The following PLD1 variants were observed in gnomAD, a reference collection of about 807,000 sequenced individuals.
PLD1 encodes choline phosphatase 1.
PLD1 carries 112 observed loss-of-function variants against 137.1 expected under a neutral mutation model. That is an observed-to-expected ratio of 0.82 (90% CI 0.70 to 0.96). The LOEUF (loss-of-function observed/expected upper bound fraction) is 0.96, where lower values mean the gene tolerates loss of function less well. Among genes scored for constraint, PLD1 ranks in the 40% least tolerant of loss-of-function variants. The pLI, the probability that PLD1 is intolerant of heterozygous loss-of-function variation, is 0.00. For synonymous variants in PLD1, 431 were observed against 454.7 expected (o/e 0.95, Z 0.66); for missense variants, 1,321 against 1,342.0 (o/e 0.98, Z 0.24).
intron 6 of PLD1, among the ~76,000 whole-genome samples, chr3:171,727,808 A>T (rs906000150): frequency 2.6e-5 from 4 of 152,198 alleles, no homozygotes; most frequent in African/African-American, 7.2e-5. Flanking sequence ...GTGATTGGAC[A>T]TATCTAACAC....
chr3:171,772,782 T>C (rs1436410915), intron 1 of PLD1, among the ~76,000 whole-genome samples: 2 of 152,212 alleles, frequency 1.3e-5, no homozygotes, highest in African/African-American at 4.8e-5. Context: ...TGTCGTTAAA[T>C]ATTATTAAAT....
intron 1 of PLD1, among the ~76,000 whole-genome samples, chr3:171,746,346 T>G (rs1720176791): frequency 6.6e-6 from 1 of 152,216 alleles, no homozygotes. Context: ...GCTCCTAAGT[T>G]GGGTGGTGAC....
rs751406866 is a variant in PLD1 at position 171,677,683 on chromosome 3, T to C, written c.1879A>G (p.Ile627Val). 6 of 1,614,018 alleles carry C rather than the reference T, an allele frequency of 3.7e-6. No homozygotes were observed. Among genetic ancestry groups the C allele is most frequent in the Middle Eastern group, 1.6e-4 (1 of 6,062 alleles). ...CCCACACCTGTCTGTAAACTACGGA[T>C]GGACCCGGTATCTGTGAATGCAGCA... ...LTRPHADTGS[I>V]RSLQTGVGEL... Residue 627 changes from isoleucine (I) to valine (V), a missense_variant, in exon 17 of 27, where the codon ATC (isoleucine) becomes GTC (valine). Ile to Val is a conservative substitution (Grantham distance 29, BLOSUM62 3). Coordinates refer to ENST00000351298, the MANE Select transcript of PLD1 (RefSeq NM_002662.5).
intron 23 of PLD1, among the ~76,000 whole-genome samples, chr3:171,642,527 GTAGA>G (rs1364783036): frequency 2.8e-5 from 4 of 145,100 alleles, no homozygotes; most frequent in African/African-American, 1.1e-4. Flanking sequence ...ATTGTATCCA[GTAGA>G]TAAAGAAGAA....
chr3:171,756,596 A>G (rs1721050450), intron 1 of PLD1, among the ~76,000 whole-genome samples: 1 of 152,268 alleles, frequency 6.6e-6, no homozygotes, highest in Non-Finnish European at 1.5e-5. Flanking sequence ...GCCAGGCTTA[A>G]GAATGCATAG....
chr3:171,770,970 A>G (rs1722313792), intron 1 of PLD1, among the ~76,000 whole-genome samples: 4 of 151,818 alleles, frequency 2.6e-5, no homozygotes, highest in Admixed American at 2.6e-4. Flanking sequence ...AATCCAACAC[A>G]GATACTAATA....
At chr3:171,638,048 G>A (rs189514997) in intron 23 of PLD1, among the ~76,000 whole-genome samples, 151 of 152,136 alleles carry the variant, frequency 9.9e-4, no homozygotes, top group African/African-American at 3.1e-3. Context: ...AGCCAGGTGC[G>A]GCGATGGGCG....
intron 1 of PLD1, among the ~76,000 whole-genome samples, chr3:171,767,730 G>A (rs933886499): frequency 6.6e-6 from 1 of 152,196 alleles, no homozygotes; most frequent in African/African-American, 2.4e-5. Context: ...AGGTTGTTGT[G>A]AGGATTAAGG....
intron 1 of PLD1, among the ~76,000 whole-genome samples, chr3:171,738,743 CT>C (rs1719565625): frequency 6.6e-6 from 1 of 152,160 alleles, no homozygotes; most frequent in Non-Finnish European, 1.5e-5. Flanking sequence ...TACTTCCCTC[CT>C]TTCTTTTTCT....
At position 171,602,804 on chromosome 3, in the gene PLD1, G is replaced by C. The variant is rs1451735702; in HGVS notation, c.*274C>G. 1 of 378,964 alleles carries C rather than the reference G, an allele frequency of 2.6e-6. No individual in the cohort carries two copies. Among genetic ancestry groups the C allele is most frequent in the Non-Finnish European group, 4.8e-6 (1 of 209,768 alleles). The allele number at this position is 378,964 out of a possible 1,614,324, so 23.5% of individuals were successfully genotyped here. On this transcript the variant is annotated 3_prime_UTR_variant, in exon 27 of 27. Transcript: ENST00000351298. ...ACAAAGGAAATGGATTTTGGTATAC[G>C]GAATTTGAATATGTGTTTTACTCAA...
At chr3:171,677,277 G>A (rs991987826) in intron 17 of PLD1, among the ~76,000 whole-genome samples, 4 of 152,132 alleles carry the variant, frequency 2.6e-5, no homozygotes, top group African/African-American at 9.7e-5. Context: ...ATCAAAGGGA[G>A]CCTACCATTT....
intron 1 of PLD1, among the ~76,000 whole-genome samples, chr3:171,805,507 C>T (rs1723808537): frequency 6.6e-6 from 1 of 152,190 alleles, no homozygotes. Context: ...CCAGACTCTC[C>T]CAGGATCCCT....
chr3:171,743,434 C>A (rs749731307), intron 1 of PLD1, among the ~76,000 whole-genome samples: 1 of 152,190 alleles, frequency 6.6e-6, no homozygotes, highest in Admixed American at 6.5e-5. Flanking sequence ...AAGCCTTCCT[C>A]TGCAAAAACA....
chr3:171,791,597 C>G (rs1723213735), intron 1 of PLD1, among the ~76,000 whole-genome samples: 1 of 152,260 alleles, frequency 6.6e-6, no homozygotes, highest in East Asian at 1.9e-4. Context: ...GAAAACACAA[C>G]AAGAAACATC....
chr3:171,624,976 T>A (rs1444597872), intron 23 of PLD1, among the ~76,000 whole-genome samples: 1 of 152,080 alleles, frequency 6.6e-6, no homozygotes, highest in Non-Finnish European at 1.5e-5. Flanking sequence ...TATAGAGGAA[T>A]GGCATTTATT....
chr3:171,802,015 G>T (rs964950284), intron 1 of PLD1, among the ~76,000 whole-genome samples: 1 of 152,216 alleles, frequency 6.6e-6, no homozygotes, highest in African/African-American at 2.4e-5. Context: ...GCAGCACTTT[G>T]TTCCAAATTG....
intron 1 of PLD1, among the ~76,000 whole-genome samples, chr3:171,775,927 C>G (rs1293942599): frequency 6.6e-6 from 1 of 152,044 alleles, no homozygotes; most frequent in Non-Finnish European, 1.5e-5. Context: ...AAAAATAGCT[C>G]TGCGAAAAGG....
At position 171,687,408 on chromosome 3, in the gene PLD1, G is replaced by A. The variant is rs146264662; in HGVS notation, c.1716C>T (p.His572=). Residue 572 remains histidine (H), a synonymous_variant, in exon 15 of 27, where the codon CAC becomes CAT. Transcript: ENST00000351298. Reference sequence around the variant, plus strand: ...CAATGCTGCTGATGCTATCTGCGTCGTGCAGGTGGTGCCTGTGGAGCTGCT... The same window carrying A: ...CAATGCTGCTGATGCTATCTGCGTCATGCAGGTGGTGCCTGTGGAGCTGCT... The part of the protein sequence containing the change: ...LYKQLHRHHL[H]DADSISSIDS... The A allele has an allele frequency of 6.0e-4, 974 of 1,614,010 alleles. 1 individual carries two copies. Among genetic ancestry groups the A allele is most frequent in the Non-Finnish European group, 7.8e-4 (924 of 1,180,006 alleles).
At position 171,688,811 on chromosome 3, in the gene PLD1, G is replaced by A. The variant is rs374436413; in HGVS notation, c.1404C>T (p.Val468=). 121 of 1,614,062 alleles carry A rather than the reference G, an allele frequency of 7.5e-5. 1 individual carries two copies. In the South Asian group the frequency reaches 1.0e-3, roughly 13 times the overall value. The part of the protein sequence containing the change: ...VYLWAHHEKL[V]IIDQSVAFVG... Reference sequence around the variant, plus strand: ...CAAAGGCCACCGATTGGTCAATGATGACAAGCTTCTCATGGTGAGCCCACA... The same window carrying A: ...CAAAGGCCACCGATTGGTCAATGATAACAAGCTTCTCATGGTGAGCCCACA... Residue 468 remains valine (V), a synonymous_variant, in exon 14 of 27, where the codon GTC becomes GTT. Transcript: ENST00000351298.
Sources: allele counts gnomAD v4.1 joint callset (sites outside exome capture counted in the v4.1 genomes callset), GRCh38; gene constraint gnomAD v4.1.1; transcripts MANE v1.5; gene names NCBI Gene and HGNC (gene_info 2026-07-23, HGNC 2026-07-21).